Variants in CNTN4 observed in about 807,000 individuals in gnomAD.
CNTN4 encodes the protein contactin-4.
A neutral mutation model predicts 122.5 loss-of-function variants in CNTN4; 77 were observed. The observed-to-expected ratio is 0.63, with a 90% CI of 0.52 to 0.76. The LOEUF (loss-of-function observed/expected upper bound fraction) is 0.76. Ranked by LOEUF, CNTN4 falls within the 30% of genes least tolerant of loss-of-function variation. CNTN4 has a pLI of 0.00. For synonymous variants in CNTN4, 512 were observed against 447.0 expected, an observed-to-expected ratio of 1.15 and a Z score of -1.83; for missense variants, 1,256 against 1,259.1, an observed-to-expected ratio of 1.00 and a Z score of 0.04.
At chr3:2,639,624 A>G (rs973907204) in intron 4 of CNTN4, among the ~76,000 whole-genome samples, 2 of 152,228 alleles carry the variant, frequency 1.3e-5, no homozygotes, top group Non-Finnish European at 2.9e-5. Context: ...TTCCCTGAGA[A>G]TAGTGCCTGG....
At chr3:2,964,638 TTAAG>T (rs1217420522) in intron 13 of CNTN4, among the ~76,000 whole-genome samples, 1 of 152,110 alleles carries the variant, frequency 6.6e-6, no homozygotes, top group Non-Finnish European at 1.5e-5. Context: ...AAACCAAACT[TTAAG>T]TAAGGAACTA....
At chr3:2,721,007 C>T (rs942564872) in intron 4 of CNTN4, among the ~76,000 whole-genome samples, 1 of 152,080 alleles carries the variant, frequency 6.6e-6, no homozygotes, top group African/African-American at 2.4e-5. Flanking sequence ...GAGTCTTGCT[C>T]TGTTGACCAG....
intron 2 of CNTN4, among the ~76,000 whole-genome samples, chr3:2,318,483 TG>T: frequency 6.6e-6 from 1 of 152,312 alleles, no homozygotes; most frequent in South Asian, 2.1e-4. Flanking sequence ...TCTTCTTCAT[TG>T]AAGCATTTGT....
At chr3:2,279,130 C>G (rs1199868123) in intron 2 of CNTN4, among the ~76,000 whole-genome samples, 3 of 151,932 alleles carry the variant, frequency 2.0e-5, no homozygotes, top group Non-Finnish European at 4.4e-5. Context: ...ACAAACAAAA[C>G]TAATAATCAA....
At chr3:2,128,658 C>G (rs898402603) in intron 2 of CNTN4, among the ~76,000 whole-genome samples, 9 of 152,156 alleles carry the variant, frequency 5.9e-5, no homozygotes, top group African/African-American at 1.9e-4. Flanking sequence ...TCAAGAAGAA[C>G]TTAGGATGTT....
At chr3:2,944,608 TA>T (rs145564418) in intron 13 of CNTN4, among the ~76,000 whole-genome samples, 2,709 of 152,252 alleles carry the variant, frequency 0.018, 77 homozygotes, top group African/African-American at 0.062. Context: ...GTAAGAAAAC[TA>T]ACAGGAATAA....
At chr3:2,192,263 TC>T (rs747782942) in intron 2 of CNTN4, among the ~76,000 whole-genome samples, 96 of 152,180 alleles carry the variant, frequency 6.3e-4, no homozygotes, top group Admixed American at 1.4e-3. Context: ...GATGGCTGGG[TC>T]AAATGGTATT....
At chr3:2,271,731 C>A (rs2041307447) in intron 2 of CNTN4, among the ~76,000 whole-genome samples, 1 of 152,084 alleles carries the variant, frequency 6.6e-6, no homozygotes, top group Non-Finnish European at 1.5e-5. Flanking sequence ...GGGTCCCCAA[C>A]TAAAGAATGT....
intron 13 of CNTN4, among the ~76,000 whole-genome samples, chr3:2,978,971 A>T (rs567012637): frequency 1.3e-5 from 2 of 152,314 alleles, no homozygotes; most frequent in East Asian, 3.9e-4. Context: ...GCTTGGGGAA[A>T]GAAATACAGA....
At chr3:2,743,670 T>G (rs2089593483) in intron 5 of CNTN4, among the ~76,000 whole-genome samples, 1 of 152,186 alleles carries the variant, frequency 6.6e-6, no homozygotes, top group Non-Finnish European at 1.5e-5. Flanking sequence ...TGGAGCACAA[T>G]GAGAGTGTTA....
Position 2,508,306 on chromosome 3 carries a change from A to G in CNTN4, c.-88-63110A>G, listed in dbSNP as rs566711699. 3.3e-5 allele frequency among the ~76,000 whole-genome samples: 5 copies of G among 152,316 alleles called. No homozygotes were observed. The South Asian group carries it at 1.0e-3, about 32-fold the overall frequency. On this transcript the variant is annotated intron_variant, in intron 3 of 24. Transcript: ENST00000418658. ...TGAAATTTTGTTCCCAGCTGGAGAA[A>G]TGTCACAGTTGTCTCAGCTTTTGAC... is the stretch of plus-strand genomic sequence containing the variant.
chr3:2,208,358 G>C (rs2038457391), intron 2 of CNTN4, among the ~76,000 whole-genome samples: 1 of 152,130 alleles, frequency 6.6e-6, no homozygotes, highest in African/African-American at 2.4e-5. Context: ...GGTTGAAAGA[G>C]CAAGAGAACT....
chr3:2,707,148 AC>A lies in CNTN4; in HGVS notation c.56-29066del, dbSNP rs376574229. Among the ~76,000 whole-genome samples, 645 of 152,062 alleles carry A rather than the reference AC, an allele frequency of 4.2e-3. 8 individuals carry two copies. The highest frequency in any genetic ancestry group is 0.015 in the African/African-American group (618 of 41,492). On this transcript the variant is annotated intron_variant, in intron 4 of 24. Coordinates refer to ENST00000418658, the MANE Select transcript of CNTN4 (RefSeq NM_175607.3). ...AACTCCATCTCTATAGAAAAAAAAT[AC>A]AAAAAAATTAGACGGGCATGGTGAT...
intron 2 of CNTN4, among the ~76,000 whole-genome samples, chr3:2,157,569 T>G (rs2035778740): frequency 6.6e-6 from 1 of 152,210 alleles, no homozygotes; most frequent in Non-Finnish European, 1.5e-5. Context: ...TTACTGTTAC[T>G]ATCTGGGTGA....
At chr3:2,184,681 T>A (rs1199338297) in intron 2 of CNTN4, among the ~76,000 whole-genome samples, 1 of 152,096 alleles carries the variant, frequency 6.6e-6, no homozygotes, top group Non-Finnish European at 1.5e-5. Context: ...GAGTTACCCC[T>A]CCATCCCTTC....
chr3:2,246,498 C>T (rs1187658701), intron 2 of CNTN4, among the ~76,000 whole-genome samples: 1 of 151,946 alleles, frequency 6.6e-6, no homozygotes, highest in African/African-American at 2.4e-5. Flanking sequence ...CATGCTGGCC[C>T]ATAGCTGTGC....
At chr3:2,445,127 A>T (rs1366753850) in intron 3 of CNTN4, among the ~76,000 whole-genome samples, 1 of 152,168 alleles carries the variant, frequency 6.6e-6, no homozygotes, top group Non-Finnish European at 1.5e-5. Context: ...CTGAAGGATA[A>T]TGTTAAGCCA....
intron 2 of CNTN4, among the ~76,000 whole-genome samples, chr3:2,333,864 CT>C (rs1043950232): frequency 2.4e-4 from 37 of 151,292 alleles, no homozygotes; most frequent in African/African-American, 8.5e-4. Flanking sequence ...TCTACATGAC[CT>C]TTACCTCCCA....
Position 2,350,429 on chromosome 3 carries a change from G to A in CNTN4, c.-89+11196G>A, listed in dbSNP as rs114873377. Among the ~76,000 whole-genome samples the A allele has an allele frequency of 1.9e-3, 296 of 152,272 alleles. 2 individuals are homozygous for A. The highest frequency in any genetic ancestry group is 6.3e-3 in the African/African-American group (263 of 41,538). On this transcript the variant is annotated intron_variant, in intron 3 of 24. Transcript: ENST00000418658. ...AGCTTCCACCAAGTGGTTGGTGGCA[G>A]TGAAACAAAAGGAGCATCAAAAAGT...
Sources: gnomAD v4.1 joint callset for allele counts (sites outside exome capture counted in the v4.1 genomes callset) on GRCh38, gnomAD v4.1.1 for gene constraint, MANE v1.5 for transcripts, NCBI Gene and HGNC (gene_info 2026-07-23, HGNC 2026-07-21) for gene names.